PPME1: variants seen among roughly 807,000 people sequenced by gnomAD.
PPME1 encodes testicular secretory protein Li 39.
A neutral mutation model predicts 56.9 loss-of-function variants in PPME1; 17 were observed. That is an observed-to-expected ratio of 0.30 (90% CI 0.20 to 0.45). The LOEUF (loss-of-function observed/expected upper bound fraction) is 0.45, where lower values mean the gene tolerates loss of function less well. Ranked by LOEUF, PPME1 falls within the 20% of genes least tolerant of loss-of-function variation. The probability of loss-of-function intolerance (pLI) is 1.00; values close to 1 mark genes in which losing one functional copy is unlikely to be tolerated. For synonymous variants in PPME1, 122 were observed against 156.2 expected, an observed-to-expected ratio of 0.78 and a Z score of 1.63; for missense variants, 357 against 483.2, an observed-to-expected ratio of 0.74 and a Z score of 2.45.
chr11:74,204,527 A>G (rs1196125512), intron 3 of PPME1, 82 bp downstream of exon 3: 1 of 1,216,696 alleles, frequency 8.2e-7, no homozygotes, highest in African/African-American at 1.5e-5. Context: ...GGAAGTTAAC[A>G]CATTCTATTT....
At chr11:74,232,455 G>C (rs557789174) in intron 7 of PPME1, among the ~76,000 whole-genome samples, 3 of 152,160 alleles carry the variant, frequency 2.0e-5, no homozygotes, top group Non-Finnish European at 4.4e-5. Context: ...TGTTTGTGTT[G>C]GTGAAGTTTC....
At chr11:74,247,025 A>G (rs1859520488) in intron 10 of PPME1, 54 bp from the exon 11 acceptor site, 1 of 1,436,880 alleles carries the variant, frequency 7.0e-7, no homozygotes, top group East Asian at 2.3e-5. Flanking sequence ...AACACTTTTT[A>G]CTTAATACGT....
chr11:74,208,260 C>T (rs553147006), intron 3 of PPME1, among the ~76,000 whole-genome samples: 4 of 150,470 alleles, frequency 2.7e-5, no homozygotes, highest in Admixed American at 2.0e-4. Flanking sequence ...TGCAGTGAGT[C>T]GAGATCGTGC....
intron 1 of PPME1, among the ~76,000 whole-genome samples, chr11:74,171,819 G>T (rs1487612371): frequency 6.6e-6 from 1 of 152,130 alleles, no homozygotes; most frequent in Non-Finnish European, 1.5e-5. Context: ...AGGAGGCTTA[G>T]AAAAGGGAGT....
At chr11:74,234,713 C>T (rs144173285) in intron 7 of PPME1, among the ~76,000 whole-genome samples, 1 of 152,230 alleles carries the variant, frequency 6.6e-6, no homozygotes, top group East Asian at 1.9e-4. Flanking sequence ...GTAGAGAAAG[C>T]AAGATAACTC....
intron 8 of PPME1, 175 bp downstream of exon 8, chr11:74,236,141 T>A: frequency 9.4e-7 from 1 of 1,064,918 alleles, no homozygotes; most frequent in Non-Finnish European, 1.3e-6. Context: ...TTCGCCTGCC[T>A]TCCTTTCTCT....
chr11:74,213,284 T>C (rs1226933427), intron 3 of PPME1, among the ~76,000 whole-genome samples: 1 of 152,148 alleles, frequency 6.6e-6, no homozygotes, highest in Non-Finnish European at 1.5e-5. Flanking sequence ...AAGGACTTTG[T>C]CTTGTGACTT....
At chr11:74,229,642 G>C (rs1299671170) in intron 5 of PPME1, among the ~76,000 whole-genome samples, 1 of 152,136 alleles carries the variant, frequency 6.6e-6, no homozygotes, top group Non-Finnish European at 1.5e-5. Flanking sequence ...CATTTGTGAA[G>C]CATTTTACTC....
chr11:74,188,334 C>T (rs954619835), intron 1 of PPME1, among the ~76,000 whole-genome samples: 1 of 151,812 alleles, frequency 6.6e-6, no homozygotes, highest in African/African-American at 2.4e-5. Context: ...TTACAGGCGC[C>T]TGCCACCACA....
At chr11:74,250,908 G>T in intron 11 of PPME1, 46 bp from the exon 12 acceptor site, 1 of 1,496,828 alleles carries the variant, frequency 6.7e-7, no homozygotes. Flanking sequence ...GCATAAGAGA[G>T]GGCTCTTTTA....
chr11:74,172,408 G>T (rs1024918065), intron 1 of PPME1, among the ~76,000 whole-genome samples: 2 of 152,192 alleles, frequency 1.3e-5, no homozygotes, highest in African/African-American at 2.4e-5. Flanking sequence ...CAGTTGTAAG[G>T]TCTGGGAAGC....
chr11:74,251,406 G>C, intron 12 of PPME1: 1 of 1,372,026 alleles, frequency 7.3e-7, no homozygotes, highest in Non-Finnish European at 9.4e-7. Context: ...AACTCTGAGG[G>C]CACACATAAG....
chr11:74,251,888 G>A lies in PPME1; in HGVS notation c.1142+173G>A, dbSNP rs371166440. 1.1e-4 allele frequency: 95 copies of A among 904,220 alleles called. No individual in the cohort carries two copies. In the African/African-American group the frequency reaches 1.3e-3, roughly 13 times the overall value. 56.0% of individuals were successfully genotyped at this position (904,220 alleles called of 1,614,324 possible). On this transcript the variant is annotated intron_variant, in intron 13 of 13. Coordinates refer to ENST00000328257, the MANE Select transcript of PPME1 (RefSeq NM_016147.3). ...TGTCTGTTTCTACAAAGCCATGGTT[G>A]GTTGTTTCTTTGTGCTGTGCTCCCA...
intron 3 of PPME1, among the ~76,000 whole-genome samples, chr11:74,215,518 T>C (rs999368813): frequency 2.0e-5 from 3 of 151,696 alleles, no homozygotes; most frequent in African/African-American, 7.3e-5. Flanking sequence ...ACCAAAAACA[T>C]AACAACAGAT....
At chr11:74,218,667 A>G (rs780494875) in intron 3 of PPME1, among the ~76,000 whole-genome samples, 54 of 152,268 alleles carry the variant, frequency 3.5e-4, no homozygotes, top group Non-Finnish European at 6.5e-4. Context: ...AGTTTCTTCA[A>G]TAAATCATGC....
chr11:74,200,491 C>T lies in PPME1; in HGVS notation c.102-3237C>T, dbSNP rs138991694. Among the ~76,000 whole-genome samples the T allele has an allele frequency of 5.8e-3, 878 of 152,122 alleles. 4 individuals carry two copies. The highest frequency in any genetic ancestry group is 0.02 in the Middle Eastern group (6 of 294). On this transcript the variant is annotated intron_variant, in intron 1 of 13. Coordinates refer to ENST00000328257, the MANE Select transcript of PPME1 (RefSeq NM_016147.3). Reference sequence around the variant, plus strand: ...CCGCCTTCTGGGTTCAAGCGATTCTCCTGCTTCAGCCTTCCCGAGTAGCTG... The same window carrying T: ...CCGCCTTCTGGGTTCAAGCGATTCTTCTGCTTCAGCCTTCCCGAGTAGCTG...
intron 1 of PPME1, among the ~76,000 whole-genome samples, chr11:74,175,620 T>C (rs1433824617): frequency 6.6e-6 from 1 of 152,142 alleles, no homozygotes; most frequent in Non-Finnish European, 1.5e-5. Context: ...TTCACAGGCA[T>C]AATCTTGGTG....
chr11:74,184,204 TTTAA>T (rs769300944), intron 1 of PPME1, among the ~76,000 whole-genome samples: 1 of 152,246 alleles, frequency 6.6e-6, no homozygotes, highest in Non-Finnish European at 1.5e-5. Context: ...TTTTCATTCC[TTTAA>T]TTAAACAGCT....
intron 3 of PPME1, among the ~76,000 whole-genome samples, chr11:74,209,879 A>G (rs1858428034): frequency 6.6e-6 from 1 of 152,170 alleles, no homozygotes; most frequent in African/African-American, 2.4e-5. Context: ...AATATAGGAA[A>G]ACTAAGCCAG....
Sources: allele counts gnomAD v4.1 joint callset (sites outside exome capture counted in the v4.1 genomes callset), GRCh38; gene constraint gnomAD v4.1.1; transcripts MANE v1.5; gene names NCBI Gene and HGNC (gene_info 2026-07-23, HGNC 2026-07-21).